DGKB: variants seen among roughly 807,000 people sequenced by gnomAD.
The protein encoded by DGKB is 90 kDa diacylglycerol kinase.
A neutral mutation model predicts 114.3 loss-of-function variants in DGKB; 67 were observed. That is an observed-to-expected ratio of 0.59 (90% confidence interval 0.48 to 0.72). The LOEUF (loss-of-function observed/expected upper bound fraction) is 0.72, where lower values mean the gene tolerates loss of function less well. Ranked by LOEUF, DGKB falls within the 30% of genes least tolerant of loss-of-function variation. The pLI is 0.00. For synonymous variants in DGKB, 398 were observed against 323.1 expected, an observed-to-expected ratio of 1.23 and a Z score of -2.49; for missense variants, 907 against 975.2, an observed-to-expected ratio of 0.93 and a Z score of 0.93.
chr7:14,196,748 C>CTTA, intron 23 of DGKB, among the ~76,000 whole-genome samples: 1 of 151,836 alleles, frequency 6.6e-6, no homozygotes, highest in African/African-American at 2.4e-5. Flanking sequence ...ATCTAGTCAC[C>CTTA]TTATGACTCA....
chr7:14,279,105 A>C (rs1799474112), intron 23 of DGKB, among the ~76,000 whole-genome samples: 1 of 152,148 alleles, frequency 6.6e-6, no homozygotes, highest in Non-Finnish European at 1.5e-5. Flanking sequence ...TTTCCTAATC[A>C]AAGAAAGGGG....
chr7:14,605,212 A>G (rs1804258371), intron 17 of DGKB, among the ~76,000 whole-genome samples: 1 of 152,038 alleles, frequency 6.6e-6, no homozygotes, highest in African/African-American at 2.4e-5. Context: ...CAGCAGTTAG[A>G]AAAATGAAAC....
intron 13 of DGKB, among the ~76,000 whole-genome samples, chr7:14,670,712 C>G (rs1320738723): frequency 6.6e-6 from 1 of 152,108 alleles, no homozygotes; most frequent in Admixed American, 6.6e-5. Context: ...CTCCCCACTC[C>G]TCCCCTCTTC....
chr7:14,482,246 A>C (rs10266998), intron 20 of DGKB, among the ~76,000 whole-genome samples: 2 of 151,734 alleles, frequency 1.3e-5, no homozygotes, highest in Non-Finnish European at 2.9e-5. Flanking sequence ...ATAAATGTTA[A>C]CTATTACTAT....
At chr7:14,942,688 T>G (rs2128255409) in intron 1 of DGKB, among the ~76,000 whole-genome samples, 1 of 150,804 alleles carries the variant, frequency 6.6e-6, no homozygotes, top group South Asian at 2.1e-4. Flanking sequence ...CCCTTTCAGG[T>G]TCTTTGACTT....
In DGKB at chr7:14,176,706, A is replaced by G. The variant is rs927476421; in HGVS notation, c.2304+133T>C. ...ATGTAGTGGCTCTGACACACACATA[A>G]CAACAACAACAAAAAGACTATTTGC... is the stretch of plus-strand genomic sequence containing the variant. On this transcript the variant is annotated intron_variant, in intron 25 of 25. Transcript: ENST00000402815. 4.7e-6 allele frequency: 7 copies of G among 1,476,744 alleles called. No individual in the cohort carries two copies. The Admixed American group carries it at 7.0e-5, about 15-fold the overall frequency. 91.5% of individuals were successfully genotyped at this position (1,476,744 alleles called of 1,614,324 possible). A position where few individuals can be genotyped will look rare whatever the true frequency, so the allele number is the denominator to read the frequency against.
chr7:14,586,681 T>C (rs188621873), intron 17 of DGKB, among the ~76,000 whole-genome samples: 185 of 152,178 alleles, frequency 1.2e-3, no homozygotes, highest in African/African-American at 4.4e-3. Flanking sequence ...GCTGATGACT[T>C]TAAGTTGAAG....
intron 1 of DGKB, among the ~76,000 whole-genome samples, chr7:14,935,354 C>T (rs541420724): frequency 5.9e-5 from 9 of 151,960 alleles, no homozygotes; most frequent in Admixed American, 1.3e-4. Context: ...TAATAACAGG[C>T]GTCAATGATT....
At chr7:14,484,499 A>G (rs1783475375) in intron 20 of DGKB, among the ~76,000 whole-genome samples, 1 of 152,048 alleles carries the variant, frequency 6.6e-6, no homozygotes, top group Non-Finnish European at 1.5e-5. Flanking sequence ...AGTGTGTGGC[A>G]TCTCCCCCCA....
At chr7:14,888,636 A>C (rs1388163666) in intron 1 of DGKB, among the ~76,000 whole-genome samples, 1 of 151,742 alleles carries the variant, frequency 6.6e-6, no homozygotes, top group African/African-American at 2.4e-5. Flanking sequence ...AATACCAATA[A>C]AAGACTGAGC....
At chr7:14,797,678 G>C (rs532969810) in intron 2 of DGKB, among the ~76,000 whole-genome samples, 275 of 151,912 alleles carry the variant, frequency 1.8e-3, no homozygotes, top group African/African-American at 5.8e-3. Context: ...CCATCTGTGA[G>C]GTTTCATCTA....
chr7:14,213,501 A>G (rs898808860), intron 23 of DGKB, among the ~76,000 whole-genome samples: 1 of 152,168 alleles, frequency 6.6e-6, no homozygotes, highest in Non-Finnish European at 1.5e-5. Flanking sequence ...ATGTAGAGTG[A>G]ACAGCCTTGG....
chr7:14,644,230 C>T (rs1464845785), intron 13 of DGKB, among the ~76,000 whole-genome samples: 1 of 152,042 alleles, frequency 6.6e-6, no homozygotes, highest in African/African-American at 2.4e-5. Context: ...AAGTGTTACC[C>T]TATGAAAGCT....
chr7:14,597,464 T>G (rs1009792728), intron 17 of DGKB, among the ~76,000 whole-genome samples: 7 of 152,208 alleles, frequency 4.6e-5, no homozygotes, highest in Non-Finnish European at 8.8e-5. Context: ...TTTTATCAAA[T>G]GTATTATATT....
chr7:14,809,414 T>A (rs1407077755), intron 2 of DGKB, among the ~76,000 whole-genome samples: 1 of 152,050 alleles, frequency 6.6e-6, no homozygotes, highest in Non-Finnish European at 1.5e-5. Flanking sequence ...GTCATGAAGT[T>A]AAAGACTTCA....
intron 17 of DGKB, among the ~76,000 whole-genome samples, chr7:14,586,870 A>G (rs1800860749): frequency 6.7e-6 from 1 of 149,774 alleles, no homozygotes; most frequent in Admixed American, 6.7e-5. Context: ...AAAAAAAAAG[A>G]TTCCTTTCAA....
At chr7:14,743,030 T>C (rs1175875715) in intron 4 of DGKB, among the ~76,000 whole-genome samples, 2 of 152,122 alleles carry the variant, frequency 1.3e-5, no homozygotes, top group African/African-American at 4.8e-5. Context: ...AACTGAGCAA[T>C]GAAATAAAAG....
At chr7:14,298,010 A>G (rs1802881116) in intron 23 of DGKB, among the ~76,000 whole-genome samples, 1 of 152,220 alleles carries the variant, frequency 6.6e-6, no homozygotes, top group Non-Finnish European at 1.5e-5. Flanking sequence ...GATTTGAAGG[A>G]ACTCTTCAAG....
intron 23 of DGKB, among the ~76,000 whole-genome samples, chr7:14,323,290 C>T (rs1033246966): frequency 6.6e-6 from 1 of 152,042 alleles, no homozygotes; most frequent in East Asian, 1.9e-4. Context: ...GGCAAGTGAA[C>T]TAGGGGTTTC....
Sources: allele counts gnomAD v4.1 joint callset (sites outside exome capture counted in the v4.1 genomes callset), GRCh38; gene constraint gnomAD v4.1.1; transcripts MANE v1.5; gene names NCBI Gene and HGNC (gene_info 2026-07-23, HGNC 2026-07-21).